Variants in CDH12 observed in about 807,000 individuals in gnomAD.
The protein encoded by CDH12 is cadherin 12, also known as cadherin-12.
CDH12 carries 41 observed loss-of-function variants against 74.1 expected under a neutral mutation model. The observed-to-expected ratio is 0.55, with a 90% CI of 0.43 to 0.72. The LOEUF is 0.72. Ranked by LOEUF, CDH12 falls within the 30% of genes least tolerant of loss-of-function variation. CDH12 has a pLI of 0.00. For synonymous variants in CDH12, 399 were observed against 355.0 expected (o/e 1.12, Z -1.39); for missense variants, 945 against 977.2 (o/e 0.97, Z 0.44).
chr5:22,727,593 A>G (rs1008923610), intron 1 of CDH12, among the ~76,000 whole-genome samples: 1 of 151,664 alleles, frequency 6.6e-6, no homozygotes, highest in Non-Finnish European at 1.5e-5. Context: ...TTTGCAATAT[A>G]CTCTAGAGTT....
At position 21,751,937 on chromosome 5, in the gene CDH12, T is replaced by C; in HGVS notation, c.2185A>G (p.Thr729Ala). The change falls in exon 15 of 15, where the codon ACT becomes GCT. Residue 729 changes from threonine to alanine, a missense_variant. Thr to Ala is a moderately conservative substitution (Grantham distance 58, BLOSUM62 0). Transcript: ENST00000382254. The part of the protein sequence containing the change: ...QRLQENDVDP[T>A]APPYDSLATY... The stretch of plus-strand genomic sequence containing the variant: ...GCCAGTGAATCGTATGGTGGGGCAG[T>C]TGGATCCACATCATTTTCCTGTAGC... The C allele has an allele frequency of 1.2e-6, 2 of 1,614,012 alleles. No homozygotes were observed. The highest frequency in any genetic ancestry group is 1.7e-6 in the Non-Finnish European group (2 of 1,179,940).
rs373421713 is a variant in CDH12, at chr5:22,498,840, T to C, written c.-428+6430A>G. On this transcript the variant is annotated intron_variant, in intron 2 of 14. Coordinates refer to ENST00000382254, the MANE Select transcript of CDH12 (RefSeq NM_004061.5). ...AATAATTATTACTAAAAATAATTTA[T>C]ATAATTTATATAAGTAGACATAGAT... Among the ~76,000 whole-genome samples, 171 of 150,752 alleles carry C rather than the reference T, an allele frequency of 1.1e-3. 4 individuals carry two copies. The South Asian group carries it at 0.035, about 31-fold the overall frequency.
At chr5:22,252,878 T>TG (rs890959095) in intron 3 of CDH12, among the ~76,000 whole-genome samples, 2 of 151,992 alleles carry the variant, frequency 1.3e-5, no homozygotes, top group African/African-American at 4.8e-5. Context: ...CATGCTCTAC[T>TG]GAAAACATGT....
chr5:21,982,174 G>T (rs1757333616), intron 5 of CDH12, among the ~76,000 whole-genome samples: 1 of 152,062 alleles, frequency 6.6e-6, no homozygotes, highest in Non-Finnish European at 1.5e-5. Context: ...AATAGCTGTG[G>T]GAATGAATAG....
chr5:22,193,854 C>T (rs1372651708), intron 4 of CDH12, among the ~76,000 whole-genome samples: 3 of 152,114 alleles, frequency 2.0e-5, no homozygotes, highest in Admixed American at 2.0e-4. Flanking sequence ...TCAGTGATAG[C>T]CTACGCAAGG....
intron 2 of CDH12, among the ~76,000 whole-genome samples, chr5:22,428,204 TATAC>T (rs1055780384): frequency 1.5e-4 from 4 of 27,424 alleles, no homozygotes; most frequent in South Asian, 7.1e-4. Context: ...TGTATATATA[TATAC>T]ACACACACAC....
chr5:22,562,963 T>A (rs994493450), intron 1 of CDH12, among the ~76,000 whole-genome samples: 1 of 147,808 alleles, frequency 6.8e-6, no homozygotes, highest in Non-Finnish European at 1.5e-5. Flanking sequence ...TTTTATATAA[T>A]GCATGTTTAT....
intron 6 of CDH12, among the ~76,000 whole-genome samples, chr5:21,965,635 G>A (rs1393288834): frequency 1.3e-5 from 2 of 151,054 alleles, no homozygotes; most frequent in African/African-American, 4.9e-5. Flanking sequence ...TTTCTTGGTC[G>A]GGAATGAAAA....
At chr5:22,463,214 C>T (rs1416886363) in intron 2 of CDH12, among the ~76,000 whole-genome samples, 1 of 152,116 alleles carries the variant, frequency 6.6e-6, no homozygotes, top group African/African-American at 2.4e-5. Flanking sequence ...AATGAATACT[C>T]TCACAATTAC....
At chr5:21,771,116 A>C (rs576050033) in intron 11 of CDH12, among the ~76,000 whole-genome samples, 4 of 152,230 alleles carry the variant, frequency 2.6e-5, no homozygotes, top group Admixed American at 1.3e-4. Flanking sequence ...GTGACAAAAT[A>C]ATCTGTATGT....
chr5:22,657,013 G>T (rs1294566720), intron 1 of CDH12, among the ~76,000 whole-genome samples: 2 of 152,062 alleles, frequency 1.3e-5, no homozygotes, highest in East Asian at 3.9e-4. Flanking sequence ...CTCCCAAAAT[G>T]CTGGCTTTAC....
intron 5 of CDH12, among the ~76,000 whole-genome samples, chr5:21,977,647 G>GCTT (rs1757127466): frequency 6.6e-6 from 1 of 152,082 alleles, no homozygotes; most frequent in African/African-American, 2.4e-5. Flanking sequence ...TTTGCAAACT[G>GCTT]ACATAAAAAT....
chr5:21,865,889 C>G (rs1033802355), intron 6 of CDH12, among the ~76,000 whole-genome samples: 1 of 152,136 alleles, frequency 6.6e-6, no homozygotes, highest in Non-Finnish European at 1.5e-5. Context: ...GTGTTCCCAC[C>G]CAAATCTCAT....
chr5:21,812,052 A>G (rs1747774204), intron 9 of CDH12, among the ~76,000 whole-genome samples: 1 of 152,082 alleles, frequency 6.6e-6, no homozygotes, highest in African/African-American at 2.4e-5. Context: ...AGGAGAAAAT[A>G]GTGAAAGAAA....
intron 1 of CDH12, among the ~76,000 whole-genome samples, chr5:22,788,140 C>A (rs1747732608): frequency 6.6e-6 from 1 of 152,122 alleles, no homozygotes; most frequent in Non-Finnish European, 1.5e-5. Flanking sequence ...ATGGTCATTT[C>A]TCTCCTGTAT....
chr5:22,308,629 A>T (rs917672442), intron 3 of CDH12, among the ~76,000 whole-genome samples: 27 of 151,666 alleles, frequency 1.8e-4, no homozygotes, highest in African/African-American at 6.5e-4. Context: ...TGAATTTTGA[A>T]CTCCTCCTTG....
intron 1 of CDH12, among the ~76,000 whole-genome samples, chr5:22,663,911 T>A (rs183990801): frequency 6.6e-6 from 1 of 152,100 alleles, no homozygotes; most frequent in African/African-American, 2.4e-5. Context: ...TTTTTTTAAC[T>A]AAGGGAATTT....
intron 8 of CDH12, among the ~76,000 whole-genome samples, chr5:21,839,414 TTAATA>T (rs1399073858): frequency 6.6e-6 from 1 of 152,186 alleles, no homozygotes; most frequent in African/African-American, 2.4e-5. Context: ...TTGTTCACCT[TTAATA>T]TATACAACAT....
intron 1 of CDH12, among the ~76,000 whole-genome samples, chr5:22,630,523 C>A (rs1738530644): frequency 6.6e-6 from 1 of 151,982 alleles, no homozygotes; most frequent in Non-Finnish European, 1.5e-5. Context: ...CAACGGTTGG[C>A]CAAAACAAGC....
Sources: gnomAD v4.1 joint callset for allele counts (sites outside exome capture counted in the v4.1 genomes callset) on GRCh38, gnomAD v4.1.1 for gene constraint, MANE v1.5 for transcripts, NCBI Gene and HGNC (gene_info 2026-07-23, HGNC 2026-07-21) for gene names.